Variants in GRIA1 observed in about 807,000 individuals in gnomAD.
The protein encoded by GRIA1 is glutamate receptor 1.
A neutral mutation model predicts 99.2 loss-of-function variants in GRIA1; 31 were observed. The observed-to-expected ratio is 0.31, with a 90% CI of 0.23 to 0.42. The LOEUF (loss-of-function observed/expected upper bound fraction) is 0.42. GRIA1 is among the 10% of genes least tolerant of loss of function. GRIA1 has a pLI of 1.00. For synonymous variants in GRIA1, 438 were observed against 432.4 expected (o/e 1.01, Z -0.16); for missense variants, 782 against 1,157.5 (o/e 0.68, Z 4.71).
intron 2 of GRIA1, among the ~76,000 whole-genome samples, chr5:153,571,311 G>A (rs1762098377): frequency 2.0e-5 from 3 of 152,188 alleles, no homozygotes; most frequent in Admixed American, 2.0e-4. Flanking sequence ...GGGGTAGCCA[G>A]TGACAGGCAG....
intron 11 of GRIA1, among the ~76,000 whole-genome samples, chr5:153,751,376 C>T (rs1762502626): frequency 6.6e-6 from 1 of 152,244 alleles, no homozygotes; most frequent in Non-Finnish European, 1.5e-5. Context: ...TGCATATTAG[C>T]TTAGATCAAA....
chr5:153,652,745 T>A (rs1402871617), intron 4 of GRIA1, among the ~76,000 whole-genome samples: 1 of 152,240 alleles, frequency 6.6e-6, no homozygotes, highest in Non-Finnish European at 1.5e-5. Context: ...TACAGATCAC[T>A]TGATTCTTTG....
rs1356377987 is a variant in GRIA1, at chr5:153,780,630, G to A, written c.2270+10215G>A. On this transcript the variant is annotated intron_variant, in intron 13 of 15. Transcript: ENST00000285900. ...ATTATCCTTATTTAATGTCTTTGAA[G>A]CTTAATTTTCTCATCTTCCAATCGA... 3.3e-5 allele frequency among the ~76,000 whole-genome samples: 5 copies of A among 152,162 alleles called. No individual in the cohort carries two copies. In the East Asian group the frequency reaches 7.7e-4, roughly 23 times the overall value.
At chr5:153,799,255 G>A (rs569173405) in intron 14 of GRIA1, among the ~76,000 whole-genome samples, 2 of 152,270 alleles carry the variant, frequency 1.3e-5, no homozygotes, top group East Asian at 1.9e-4. Context: ...ACAGATCCAC[G>A]AGGAAGCTGC....
intron 2 of GRIA1, among the ~76,000 whole-genome samples, chr5:153,549,526 G>A (rs1014558699): frequency 5.9e-5 from 9 of 152,208 alleles, no homozygotes; most frequent in Non-Finnish European, 8.8e-5. Context: ...AGAAAGTTCA[G>A]GGTGAAATTG....
At chr5:153,676,087 G>T (rs879430342) in intron 6 of GRIA1, among the ~76,000 whole-genome samples, 1 of 152,088 alleles carries the variant, frequency 6.6e-6, no homozygotes, top group Non-Finnish European at 1.5e-5. Context: ...TTGATCTCCT[G>T]ACCTTGTGAT....
intron 2 of GRIA1, among the ~76,000 whole-genome samples, chr5:153,615,863 T>C (rs1766448749): frequency 1.3e-5 from 2 of 152,132 alleles, no homozygotes; most frequent in Non-Finnish European, 2.9e-5. Flanking sequence ...AAACAAGAAC[T>C]TAGTGCAGCC....
chr5:153,643,941 T>G (rs1361372132), intron 2 of GRIA1, among the ~76,000 whole-genome samples: 2 of 152,158 alleles, frequency 1.3e-5, no homozygotes, highest in African/African-American at 4.8e-5. Context: ...ACACCATCCA[T>G]GAGGGCCCCA....
At chr5:153,679,653 A>G (rs1231332069) in intron 7 of GRIA1, among the ~76,000 whole-genome samples, 2 of 152,202 alleles carry the variant, frequency 1.3e-5, no homozygotes, top group African/African-American at 4.8e-5. Context: ...TTCTAGACCC[A>G]TCTCTTGAAA....
chr5:153,766,621 T>A (rs1171163548), intron 12 of GRIA1, among the ~76,000 whole-genome samples: 2 of 152,194 alleles, frequency 1.3e-5, no homozygotes, highest in Non-Finnish European at 2.9e-5. Flanking sequence ...CTTGTTCCAA[T>A]CCAAGTATTC....
chr5:153,550,387 G>GA (rs951626818), intron 2 of GRIA1, among the ~76,000 whole-genome samples: 7 of 147,876 alleles, frequency 4.7e-5, no homozygotes, highest in East Asian at 2.0e-4. Flanking sequence ...TTTAAAAGAT[G>GA]AAAAAAAAAA....
chr5:153,557,244 A>C (rs1760733031), intron 2 of GRIA1, among the ~76,000 whole-genome samples: 1 of 152,096 alleles, frequency 6.6e-6, no homozygotes, highest in Admixed American at 6.6e-5. Flanking sequence ...GCTACACTAA[A>C]TTTATTTAGA....
chr5:153,633,704 C>G (rs1185532649), intron 2 of GRIA1, among the ~76,000 whole-genome samples: 1 of 152,154 alleles, frequency 6.6e-6, no homozygotes, highest in Non-Finnish European at 1.5e-5. Context: ...ACTTATTTTA[C>G]TTATGAGGAA....
chr5:153,498,575 C>A (rs908850744), intron 2 of GRIA1, among the ~76,000 whole-genome samples: 3 of 152,164 alleles, frequency 2.0e-5, no homozygotes, highest in Non-Finnish European at 2.9e-5. Flanking sequence ...AGCCCAGGGG[C>A]TTCCTAACAA....
chr5:153,745,125 T>A (rs1319358467), intron 11 of GRIA1, among the ~76,000 whole-genome samples: 1 of 152,218 alleles, frequency 6.6e-6, no homozygotes, highest in Non-Finnish European at 1.5e-5. Flanking sequence ...GTTTCCACTG[T>A]CTAGAGTGTG....
chr5:153,763,334 G>C (rs7711124), intron 11 of GRIA1, among the ~76,000 whole-genome samples: 56,907 of 151,946 alleles, frequency 0.37, 11,805 homozygotes, highest in East Asian at 0.94. Flanking sequence ...TGGGTTTCTT[G>C]GTAAAACTCA....
chr5:153,698,175 C>T (rs370635129), intron 9 of GRIA1, 21 bp downstream of exon 9: 10 of 1,310,954 alleles, frequency 7.6e-6, no homozygotes, highest in Admixed American at 3.4e-5. Context: ...AGTCCTTCAT[C>T]AAGGTTACTT....
intron 2 of GRIA1, among the ~76,000 whole-genome samples, chr5:153,601,813 T>G (rs1250322539): frequency 6.6e-6 from 1 of 152,236 alleles, no homozygotes; most frequent in African/African-American, 2.4e-5. Context: ...TTATCAATTA[T>G]GCTGTACAGA....
chr5:153,619,702 A>AAG lies in GRIA1; in HGVS notation c.221-27210_221-27209dup, dbSNP rs370839254. On this transcript the variant is annotated intron_variant, in intron 2 of 15. Transcript: ENST00000285900. ...TGTCCAACAAAATTATTTTAAAAAA[A>AAG]AGAGAGAGAGAGAGAGAAGATGAAG... Among the ~76,000 whole-genome samples, 1,366 of 151,762 alleles carry AAG rather than the reference A, an allele frequency of 9.0e-3. 16 individuals are homozygous for AAG. The highest frequency in any genetic ancestry group is 0.031 in the African/African-American group (1,280 of 41,380).
Sources: gnomAD v4.1 joint callset for allele counts (sites outside exome capture counted in the v4.1 genomes callset) on GRCh38, gnomAD v4.1.1 for gene constraint, MANE v1.5 for transcripts, NCBI Gene and HGNC (gene_info 2026-07-23, HGNC 2026-07-21) for gene names.